Variants in MLX observed in about 807,000 individuals in gnomAD.
MLX encodes the protein max-like protein X.
Under a neutral mutation model 33.0 loss-of-function variants are expected in MLX, and 15 were observed. The ratio of observed to expected loss-of-function variants is 0.45; its 90% CI spans 0.30 to 0.70. The LOEUF (loss-of-function observed/expected upper bound fraction) is 0.70, where lower values mean the gene tolerates loss of function less well. Among genes scored for constraint, MLX ranks in the 30% least tolerant of loss-of-function variants. The probability of loss-of-function intolerance (pLI) is 0.07; values close to 1 mark genes in which losing one functional copy is unlikely to be tolerated. For synonymous variants in MLX, 115 were observed against 115.6 expected, an observed-to-expected ratio of 0.99 and a Z score of 0.03; for missense variants, 285 against 306.3, an observed-to-expected ratio of 0.93 and a Z score of 0.52.
rs775609941 is a variant in MLX at position 42,568,825 on chromosome 17, C to T, written c.170-12C>T. ...CAAGATGACCTTTCCCTGCCCCCAT[C>T]TCTGAGCGTAGATGATGAGGACAGT... is the stretch of plus-strand genomic sequence containing the variant. On this transcript the variant is annotated splice_polypyrimidine_tract_variant and intron_variant, in intron 3 of 7. Coordinates refer to ENST00000435881, the MANE Select transcript of MLX (RefSeq NM_198204.2). 19 of 1,595,666 alleles carry T rather than the reference C, an allele frequency of 1.2e-5. No individual in the cohort carries two copies. In the East Asian group the frequency reaches 4.3e-4, roughly 36 times the overall value.
Position 42,572,627 on chromosome 17 carries a change from T to C in MLX, c.*1024T>C, listed in dbSNP as rs972844930. Reference sequence around the variant, plus strand: ...TCACTTCTGCCTTCCTCAGGTTTGATATCTGGCAGGTTTGACTATCCAGAG... The same window carrying C: ...TCACTTCTGCCTTCCTCAGGTTTGACATCTGGCAGGTTTGACTATCCAGAG... On this transcript the variant is annotated 3_prime_UTR_variant, in exon 8 of 8. Coordinates refer to ENST00000435881, the MANE Select transcript of MLX (RefSeq NM_198204.2). The C allele has an allele frequency of 4.5e-6, 2 of 447,760 alleles. No homozygotes were observed. Among genetic ancestry groups the C allele is most frequent in the African/African-American group, 2.0e-5 (1 of 49,800 alleles). The allele number at this position is 447,760 out of a possible 1,614,324, so 27.7% of individuals were successfully genotyped here.
At chr17:42,568,593 C>T (rs1363575083) in intron 3 of MLX, 34 bp downstream of exon 3, 2 of 1,555,708 alleles carry the variant, frequency 1.3e-6, no homozygotes, top group Non-Finnish European at 1.8e-6. Context: ...CCTCGGGGGG[C>T]TCAGATATGT....
chr17:42,572,372 G>T lies in MLX; in HGVS notation c.*769G>T. 1 of 454,518 alleles carries T rather than the reference G, an allele frequency of 2.2e-6. No individual in the cohort carries two copies. The highest frequency in any genetic ancestry group is 4.4e-6 in the Non-Finnish European group (1 of 226,742). 28.2% of individuals were successfully genotyped at this position (454,518 alleles called of 1,614,324 possible). A position where few individuals can be genotyped will look rare whatever the true frequency, so the allele number is the denominator to read the frequency against. ...GCAGTTTTGCTACGGTTACAATTTT[G>T]AAATATTAACTGAGCCTCAAAATCA... On this transcript the variant is annotated 3_prime_UTR_variant, in exon 8 of 8. Coordinates refer to ENST00000435881, the MANE Select transcript of MLX (RefSeq NM_198204.2).
intron 1 of MLX, 119 bp downstream of exon 1, chr17:42,567,285 C>T: frequency 7.4e-7 from 1 of 1,351,988 alleles, no homozygotes; most frequent in Non-Finnish European, 9.6e-7. Flanking sequence ...CTCTCCGTGC[C>T]CCGGGGCTGC....
chr17:42,570,141 A>G lies in MLX; in HGVS notation c.636A>G (p.Ser212=). The G allele has an allele frequency of 1.2e-6, 2 of 1,614,096 alleles. No homozygotes were observed. The highest frequency in any genetic ancestry group is 1.7e-5 in the Admixed American group (1 of 60,014). ...CAGTGGCCAGCTTCCAGGAGCTGTC[A>G]GCGTGTGTCTTCAGCTGGATCGAGG... The part of the protein sequence containing the change: ...SISVASFQEL[S]ACVFSWIEEH... Residue 212 remains serine, a synonymous_variant, in exon 7 of 8, where the codon TCA becomes TCG. Coordinates refer to ENST00000435881, the MANE Select transcript of MLX (RefSeq NM_198204.2).
intron 1 of MLX, 192 bp from the exon 2 acceptor site, chr17:42,567,427 C>A: frequency 7.3e-7 from 1 of 1,364,650 alleles, no homozygotes; most frequent in South Asian, 1.5e-5. Context: ...GGCACTCGCA[C>A]GCCCTAGCCT....
chr17:42,572,661 A>C lies in MLX; in HGVS notation c.*1058A>C. On this transcript the variant is annotated 3_prime_UTR_variant, in exon 8 of 8. Coordinates refer to ENST00000435881, the MANE Select transcript of MLX (RefSeq NM_198204.2). Reference sequence around the variant, plus strand: ...GGTTTGACTATCCAGAGGAAATTAAATATTTTTATATAAAATTAAATTATA... The same window carrying C: ...GGTTTGACTATCCAGAGGAAATTAACTATTTTTATATAAAATTAAATTATA... 5.0e-6 allele frequency: 2 copies of C among 398,170 alleles called. No homozygotes were observed. Among genetic ancestry groups the C allele is most frequent in the Non-Finnish European group, 1.0e-5 (2 of 200,238 alleles). 24.7% of individuals were successfully genotyped at this position (398,170 alleles called of 1,614,324 possible).
At chr17:42,569,881 T>C in intron 6 of MLX, 101 bp from the exon 7 acceptor site, 2 of 1,177,476 alleles carry the variant, frequency 1.7e-6, no homozygotes, top group Non-Finnish European at 2.5e-6. Context: ...CCAGAAGCTC[T>C]CTGGGGCTGC....
Position 42,567,178 on chromosome 17 carries a change from G to C in MLX, c.42+12G>C, listed in dbSNP as rs776413940. ...ACCCTTGGGTCAAGGCAAGCCCCGT[G>C]GGCGCGCACGCCGGCGAGGGGAGGG... On this transcript the variant is annotated intron_variant, in intron 1 of 7. Transcript: ENST00000435881. 43 of 1,294,258 alleles carry C rather than the reference G, an allele frequency of 3.3e-5. No homozygotes were observed. Among genetic ancestry groups the C allele is most frequent in the Non-Finnish European group, 4.2e-5 (43 of 1,019,928 alleles). 80.2% of individuals were successfully genotyped at this position (1,294,258 alleles called of 1,614,324 possible). A position where few individuals can be genotyped will look rare whatever the true frequency, so the allele number is the denominator to read the frequency against.
chr17:42,572,154 C>T lies in MLX; in HGVS notation c.*551C>T, dbSNP rs2093036322. The T allele has an allele frequency of 5.8e-6, 2 of 345,236 alleles. No homozygotes were observed. The highest frequency in any genetic ancestry group is 1.1e-5 in the Non-Finnish European group (2 of 177,302). The allele number at this position is 345,236 out of a possible 1,614,324, so 21.4% of individuals were successfully genotyped here. On this transcript the variant is annotated 3_prime_UTR_variant, in exon 8 of 8. Transcript: ENST00000435881. ...GCTGCCTGGTCAGTCCCAGGTGAGG[C>T]CAAGGGCTTTCTGGCCATCTCAGGG...
intron 1 of MLX, 78 bp downstream of exon 1, chr17:42,567,244 G>T: frequency 1.5e-6 from 2 of 1,318,964 alleles, no homozygotes; most frequent in African/African-American, 1.5e-5. Context: ...GAAGACGAGG[G>T]GCTTCCCTCC....
Position 42,572,399 on chromosome 17 carries a change from CCTTT to C in MLX, c.*799_*802del, listed in dbSNP as rs1461360894. 7 of 454,464 alleles carry C rather than the reference CCTTT, an allele frequency of 1.5e-5. No homozygotes were observed. The highest frequency in any genetic ancestry group is 4.0e-5 in the African/African-American group (2 of 49,982). The allele number at this position is 454,464 out of a possible 1,614,324, so 28.2% of individuals were successfully genotyped here. ...AATATTAACTGAGCCTCAAAATCACCCTTTCTGTCAAGCATATCTTGGCCTCTCC... is the reference window on the plus strand; with the variant it reads ...AATATTAACTGAGCCTCAAAATCACCCTGTCAAGCATATCTTGGCCTCTCC... On this transcript the variant is annotated 3_prime_UTR_variant, in exon 8 of 8. Transcript: ENST00000435881.
In MLX at chr17:42,572,064, AAAGAGT is replaced by A. The variant is rs2093035778; in HGVS notation, c.*467_*472del. The A allele has an allele frequency of 3.9e-6, 1 of 257,712 alleles. No homozygotes were observed. The highest frequency in any genetic ancestry group is 7.7e-6 in the Non-Finnish European group (1 of 130,232). The allele number at this position is 257,712 out of a possible 1,614,324, so 16.0% of individuals were successfully genotyped here. A position where few individuals can be genotyped will look rare whatever the true frequency, so the allele number is the denominator to read the frequency against. ...TTTTGGCAGTAGCTGTATGGGAGAAAAAGAGTAAGAGGAAATATTCCCACAGCCATG... is the reference window on the plus strand; with the variant it reads ...TTTTGGCAGTAGCTGTATGGGAGAAAAAGAGGAAATATTCCCACAGCCATG... On this transcript the variant is annotated 3_prime_UTR_variant, in exon 8 of 8. Transcript: ENST00000435881.
chr17:42,569,898 TG>T, intron 6 of MLX, 83 bp from the exon 7 acceptor site: 1 of 1,328,946 alleles, frequency 7.5e-7, no homozygotes. Flanking sequence ...CTGCCATTCC[TG>T]GGAGTACACA....
rs771358641 is a variant in MLX, at chr17:42,573,084, AGAAG to A, written c.*1486_*1489del. ...CCAGGATAAGACCACAGGGAAGCAA[AGAAG>A]GAAGAGAGCTCCACTTACAAAGAAC... On this transcript the variant is annotated 3_prime_UTR_variant, in exon 8 of 8. Transcript: ENST00000435881. 2.7e-5 allele frequency: 43 copies of A among 1,614,054 alleles called. No individual in the cohort carries two copies. In the African/African-American group the frequency reaches 4.5e-4, roughly 17 times the overall value.
In MLX at chr17:42,572,588, C is replaced by T. The variant is rs1213670946; in HGVS notation, c.*985C>T. On this transcript the variant is annotated 3_prime_UTR_variant, in exon 8 of 8. Coordinates refer to ENST00000435881, the MANE Select transcript of MLX (RefSeq NM_198204.2). ...CGTTTTATAGCAACCTCTCTCTACC[C>T]TAGTTCTCCAAATTCACTTCTGCCT... The T allele has an allele frequency of 2.2e-6, 1 of 453,250 alleles. No individual in the cohort carries two copies. Among genetic ancestry groups the T allele is most frequent in the Admixed American group, 2.4e-5 (1 of 42,470 alleles). The allele number at this position is 453,250 out of a possible 1,614,324, so 28.1% of individuals were successfully genotyped here.
chr17:42,568,995 T>A, intron 4 of MLX, 52 bp downstream of exon 4: 1 of 1,548,330 alleles, frequency 6.5e-7, no homozygotes, highest in Non-Finnish European at 8.8e-7. Flanking sequence ...CTGCATAGTT[T>A]AGCTTCCCTG....
chr17:42,569,203 G>C lies in MLX; in HGVS notation c.277-1G>C. ...ACCCATTTCCCCTGCTGTTTCCACA[G>C]AGAGGCTATGATGACCTTCAGACCA... On this transcript the variant is annotated splice_acceptor_variant, in intron 4 of 7. Transcript: ENST00000435881. LOFTEE classifies it high-confidence loss of function. The C allele has an allele frequency of 1.2e-6, 2 of 1,613,818 alleles. No homozygotes were observed. Among genetic ancestry groups the C allele is most frequent in the Non-Finnish European group, 1.7e-6 (2 of 1,179,770 alleles).
At chr17:42,568,678 C>A in intron 3 of MLX, 119 bp downstream of exon 3, 2 of 1,107,548 alleles carry the variant, frequency 1.8e-6, no homozygotes, top group Non-Finnish European at 2.7e-6. Flanking sequence ...AAGTATCAGA[C>A]ACAAGGTCTC....
Sources: allele counts gnomAD v4.1 joint callset, GRCh38; gene constraint gnomAD v4.1.1; transcripts MANE v1.5; gene names NCBI Gene and HGNC (gene_info 2026-07-23, HGNC 2026-07-21).